Variants in DHX57 observed in about 807,000 individuals in gnomAD.
DHX57 encodes the protein DExH-box helicase 57.
Under a neutral mutation model 156.2 loss-of-function variants are expected in DHX57, and 105 were observed. The observed-to-expected ratio is 0.67, with a 90% CI of 0.57 to 0.79. The LOEUF is 0.79. DHX57 is among the 30% of genes least tolerant of loss of function. DHX57 has a pLI of 0.00. For synonymous variants in DHX57, 704 were observed against 595.6 expected (o/e 1.18, Z -2.65); for missense variants, 1,847 against 1,661.9 (o/e 1.11, Z -1.94).
intron 12 of DHX57, among the ~76,000 whole-genome samples, chr2:38,838,590 CA>C (rs1484229044): frequency 1.3e-5 from 2 of 152,270 alleles, no homozygotes; most frequent in East Asian, 3.9e-4. Flanking sequence ...AATTCAACGT[CA>C]AATACATTTT....
At chr2:38,853,858 T>A in intron 9 of DHX57, 196 bp downstream of exon 9, 1 of 427,384 alleles carries the variant, frequency 2.3e-6, no homozygotes, top group Non-Finnish European at 4.2e-6. Context: ...TAATAAGTGA[T>A]GAGCATGTGC....
chr2:38,856,244 CA>C, intron 7 of DHX57, 95 bp downstream of exon 7: 1 of 1,493,622 alleles, frequency 6.7e-7, no homozygotes, highest in Non-Finnish European at 8.9e-7. Context: ...TCTATAAATC[CA>C]GCTACAGTTT....
chr2:38,863,137 G>GA (rs1034977955), intron 3 of DHX57: 5 of 479,312 alleles, frequency 1.0e-5, no homozygotes, highest in Admixed American at 3.7e-5. Flanking sequence ...CACTGCCCTG[G>GA]AAAAAAATAA....
intron 20 of DHX57, 66 bp from the exon 21 acceptor site, chr2:38,813,961 G>A: frequency 6.4e-7 from 1 of 1,561,850 alleles, no homozygotes; most frequent in Non-Finnish European, 8.8e-7. Context: ...TTTTTGAGAT[G>A]GAGTCTTGCT....
chr2:38,861,789 A>G lies in DHX57; in HGVS notation c.621T>C (p.Asp207=), dbSNP rs1164283600. Residue 207 remains aspartate (D), a synonymous_variant, in exon 5 of 24, where the codon GAT becomes GAC. Coordinates refer to ENST00000457308, the MANE Select transcript of DHX57 (RefSeq NM_198963.3). ...GCTCTAGTGATGCTCCCACATCTCC[A>G]TCACACATCCTCAGGACCGCTTGAC... The part of the protein sequence containing the change: ...ERCQAVLRMC[D]GDVGASLEHL... The G allele has an allele frequency of 6.2e-7, 1 of 1,613,872 alleles. No homozygotes were observed. The highest frequency in any genetic ancestry group is 8.5e-7 in the Non-Finnish European group (1 of 1,179,882).
intron 8 of DHX57, 157 bp from the exon 9 acceptor site, chr2:38,854,335 G>A: frequency 3.2e-6 from 2 of 634,860 alleles, no homozygotes; most frequent in Non-Finnish European, 4.9e-6. Flanking sequence ...TCTTGCCAGG[G>A]ACAGTAATAA....
chr2:38,847,864 G>C lies in DHX57; in HGVS notation c.2164+405C>G, dbSNP rs527631427. 2.6e-5 allele frequency among the ~76,000 whole-genome samples: 4 copies of C among 152,036 alleles called. No homozygotes were observed. In the South Asian group the frequency reaches 8.3e-4, roughly 32 times the overall value. On this transcript the variant is annotated intron_variant, in intron 10 of 23. Transcript: ENST00000457308. ...TTTGGGAGGCCGAGGCGGGCAGATC[G>C]TGAGGTCAGGAGATGGAGACCATCC... is the stretch of plus-strand genomic sequence containing the variant.
intron 17 of DHX57, among the ~76,000 whole-genome samples, chr2:38,822,684 C>A (rs186363435): frequency 1.3e-5 from 2 of 152,172 alleles, no homozygotes; most frequent in African/African-American, 4.8e-5. Context: ...CATAAGCCAC[C>A]GCGCTTGGCC....
intron 12 of DHX57, among the ~76,000 whole-genome samples, chr2:38,840,455 A>G (rs972547999): frequency 1.1e-4 from 17 of 151,154 alleles, no homozygotes; most frequent in African/African-American, 3.9e-4. Flanking sequence ...ATCTGGGCTC[A>G]CTGTAGCCTC....
At chr2:38,865,359 C>T (rs996246202) in intron 2 of DHX57, among the ~76,000 whole-genome samples, 1 of 151,970 alleles carries the variant, frequency 6.6e-6, no homozygotes, top group Non-Finnish European at 1.5e-5. Flanking sequence ...AAGGGGTGTC[C>T]CCCTTTACTT....
intron 5 of DHX57, 134 bp from the exon 6 acceptor site, chr2:38,858,970 C>T: frequency 1.2e-6 from 1 of 835,476 alleles, no homozygotes; most frequent in Non-Finnish European, 1.8e-6. Context: ...AAAGTAAGTT[C>T]ATTCATTTCT....
intron 8 of DHX57, 88 bp from the exon 9 acceptor site, chr2:38,854,266 T>A (rs1478427767): frequency 1.5e-6 from 2 of 1,371,486 alleles, no homozygotes; most frequent in South Asian, 2.7e-5. Flanking sequence ...TGGATAGTGA[T>A]AAAAAATATT....
In DHX57 at chr2:38,858,658, T is replaced by C. The variant is rs373614149; in HGVS notation, c.1587+3A>G. ...CGTTACTCATTCTCTCAGCATACCC[T>C]ACCTGTTTCATTCGGAACTGCTTGC... On this transcript the variant is annotated splice_donor_region_variant and intron_variant, in intron 6 of 23. Transcript: ENST00000457308. 1.9e-5 allele frequency: 31 copies of C among 1,612,466 alleles called. No individual in the cohort carries two copies. Among genetic ancestry groups the C allele is most frequent in the African/African-American group, 1.5e-4 (11 of 74,820 alleles).
At chr2:38,815,092 G>C (rs898082853) in intron 20 of DHX57, among the ~76,000 whole-genome samples, 2 of 150,744 alleles carry the variant, frequency 1.3e-5, no homozygotes, top group Non-Finnish European at 3.0e-5. Context: ...TTTGAGACAG[G>C]GTTTGGCTCT....
intron 22 of DHX57, among the ~76,000 whole-genome samples, chr2:38,804,320 G>T (rs368208173): frequency 2.0e-5 from 3 of 151,950 alleles, no homozygotes; most frequent in Non-Finnish European, 4.4e-5. Flanking sequence ...GTGAGACCCC[G>T]TCTCTACAAA....
chr2:38,816,488 T>C (rs952027177), intron 19 of DHX57, among the ~76,000 whole-genome samples: 15 of 151,960 alleles, frequency 9.9e-5, no homozygotes, highest in African/African-American at 3.4e-4. Flanking sequence ...AGCGCTGAGA[T>C]TACAGGCATG....
intron 5 of DHX57, 45 bp downstream of exon 5, chr2:38,860,954 C>T (rs372635150): frequency 3.9e-6 from 6 of 1,540,302 alleles, no homozygotes; most frequent in Non-Finnish European, 5.3e-6. Flanking sequence ...CTTCTAAACC[C>T]ATCATTCTGA....
At chr2:38,860,978 C>A (rs1375799084) in intron 5 of DHX57, 21 bp downstream of exon 5, 2 of 1,595,116 alleles carry the variant, frequency 1.3e-6, no homozygotes, top group African/African-American at 1.3e-5. Flanking sequence ...CCTCCCTCCA[C>A]AAGATCAATG....
Position 38,831,781 on chromosome 2 carries a change from C to T in DHX57, c.2543-3345G>A, listed in dbSNP as rs533221888. Among the ~76,000 whole-genome samples, 7 of 149,304 alleles carry T rather than the reference C, an allele frequency of 4.7e-5. No individual in the cohort carries two copies. The South Asian group carries it at 8.5e-4, about 18-fold the overall frequency. On this transcript the variant is annotated intron_variant, in intron 13 of 23. Transcript: ENST00000457308. ...CTGAGGCAGGAGAATCACTTGAACCCGGGAGGCGGAGGTTGCAGTGAGCTG... is the reference window on the plus strand; with the variant it reads ...CTGAGGCAGGAGAATCACTTGAACCTGGGAGGCGGAGGTTGCAGTGAGCTG...
Sources: gnomAD v4.1 joint callset for allele counts (sites outside exome capture counted in the v4.1 genomes callset) on GRCh38, gnomAD v4.1.1 for gene constraint, MANE v1.5 for transcripts, NCBI Gene and HGNC (gene_info 2026-07-23, HGNC 2026-07-21) for gene names.